SZT2: variants seen among roughly 807,000 people sequenced by gnomAD.
SZT2 encodes the protein KICSTOR complex protein SZT2.
A neutral mutation model predicts 404.2 loss-of-function variants in SZT2; 216 were observed. That is an observed-to-expected ratio of 0.53 (90% CI 0.48 to 0.60). The LOEUF (loss-of-function observed/expected upper bound fraction) is 0.60, where lower values mean the gene tolerates loss of function less well. Among genes scored for constraint, SZT2 ranks in the 20% least tolerant of loss-of-function variants. The pLI, the probability that SZT2 is intolerant of heterozygous loss-of-function variation, is 0.00. For missense variants in SZT2, 3,857 were observed against 4,459.2 expected (o/e 0.86, Z 3.85); for synonymous variants, 1,693 against 1,749.9 (o/e 0.97, Z 0.81).
At chr1:43,435,075 A>G in intron 41 of SZT2, 125 bp from the exon 42 acceptor site, 1 of 1,146,198 alleles carries the variant, frequency 8.7e-7, no homozygotes, top group Non-Finnish European at 1.2e-6. Context: ...GATGACTGAT[A>G]TTCTTGTTGA....
chr1:43,446,837 C>A, intron 65 of SZT2, 118 bp from the exon 66 acceptor site: 2 of 1,085,960 alleles, frequency 1.8e-6, no homozygotes, highest in Non-Finnish European at 2.7e-6. Flanking sequence ...AGAGGGCGTT[C>A]CACTAGGCCA....
In SZT2 at chr1:43,441,327, T is replaced by G. The variant is rs764279408; in HGVS notation, c.7458T>G (p.Thr2486=). The change falls in exon 53 of 72, where the codon ACT becomes ACG. Residue 2486 remains threonine (T), a synonymous_variant. Transcript: ENST00000634258. This position sits in a 1 kb window ranked among gnomAD's most constrained non-coding sequence, Gnocchi z 4.8. ...RRRHKTESVR[T]PGGAERAPGS... The stretch of plus-strand genomic sequence containing the variant: ...GTCACAAAACCGAGAGTGTTCGGAC[T>G]CCTGGTGGAGCTGAGCGGGCGCCAG... The G allele has an allele frequency of 3.7e-6, 6 of 1,614,184 alleles. No homozygotes were observed. Among genetic ancestry groups the G allele is most frequent in the Non-Finnish European group, 5.1e-6 (6 of 1,180,030 alleles).
chr1:43,406,401 AG>A (rs1311033948), intron 4 of SZT2: 1 of 167,088 alleles, frequency 6.0e-6, no homozygotes, highest in Non-Finnish European at 1.3e-5. Flanking sequence ...CCTGGCCCAA[AG>A]CAGCATTTGA....
Position 43,453,534 on chromosome 1 carries a change from ACT to A in SZT2, c.*3056_*3057del. On this transcript the variant is annotated 3_prime_UTR_variant, in exon 72 of 72. Transcript: ENST00000634258. ...ACGGGCCTCAGCCCCCGGCTCGGACACTCCCCTGCCCGCGCCCCGGCACCCCC... is the reference window on the plus strand; with the variant it reads ...ACGGGCCTCAGCCCCCGGCTCGGACACCCCTGCCCGCGCCCCGGCACCCCC... 1 of 1,524,506 alleles carries A rather than the reference ACT, an allele frequency of 6.6e-7. No homozygotes were observed. Among genetic ancestry groups the A allele is most frequent in the Non-Finnish European group, 8.8e-7 (1 of 1,132,186 alleles). 94.4% of individuals were successfully genotyped at this position (1,524,506 alleles called of 1,614,324 possible).
At chr1:43,447,203 A>G (rs1347038156) in intron 66 of SZT2, 35 bp downstream of exon 66, 2 of 1,583,124 alleles carry the variant, frequency 1.3e-6, no homozygotes, top group Non-Finnish European at 8.6e-7. Flanking sequence ...GAACCCAAAA[A>G]AGAACAGGCC....
chr1:43,423,144 C>A lies in SZT2; in HGVS notation c.2083C>A (p.His695Asn), dbSNP rs1652623950. 1 of 1,596,894 alleles carries A rather than the reference C, an allele frequency of 6.3e-7. No individual in the cohort carries two copies. Among genetic ancestry groups the A allele is most frequent in the Non-Finnish European group, 8.5e-7 (1 of 1,179,196 alleles). ...REEILRLRFP[H>N]RVQSKEPTPK... ...AGAGATCCTGCGGCTGCGTTTCCCCCACCGGGTACAAAGCAAGGAGCCAAC... is the reference window on the plus strand; with the variant it reads ...AGAGATCCTGCGGCTGCGTTTCCCCAACCGGGTACAAAGCAAGGAGCCAAC... Residue 695 changes from histidine (H) to asparagine (N), a missense_variant, in exon 15 of 72, where the codon CAC becomes AAC. By Grantham distance (68) the His-to-Asn change is moderately conservative. Transcript: ENST00000634258.
At chr1:43,432,893 G>T (rs1654063416) in intron 39 of SZT2, 94 bp downstream of exon 39, 2 of 1,591,162 alleles carry the variant, frequency 1.3e-6, no homozygotes, top group Non-Finnish European at 1.7e-6. Flanking sequence ...CATCAGAAGG[G>T]ACTAATCTGA....
intron 1 of SZT2, among the ~76,000 whole-genome samples, chr1:43,392,287 C>G (rs775745555): frequency 5.0e-4 from 76 of 152,138 alleles, no homozygotes; most frequent in South Asian, 1.0e-3. Context: ...CACATCCCAT[C>G]TTGGTCTAGC....
Position 43,448,847 on chromosome 1 carries a change from G to A in SZT2, c.10086+119G>A. 1.1e-6 allele frequency: 1 copy of A among 897,582 alleles called. No homozygotes were observed. Among genetic ancestry groups the A allele is most frequent in the Non-Finnish European group, 1.8e-6 (1 of 546,520 alleles). The allele number at this position is 897,582 out of a possible 1,614,324, so 55.6% of individuals were successfully genotyped here. A position where few individuals can be genotyped will look rare whatever the true frequency, so the allele number is the denominator to read the frequency against. On this transcript the variant is annotated intron_variant, in intron 70 of 71. Transcript: ENST00000634258. The surrounding 1 kb of genome is among the most constrained non-coding windows in gnomAD (Gnocchi z 4.2). ...CTGGAGGGAGGCCTAGACAGAACGG[G>A]ACTACACAGATACATGTAAAACCCT...
At chr1:43,432,677 G>A (rs774267864) in intron 38 of SZT2, 51 bp from the exon 39 acceptor site, 2 of 1,613,120 alleles carry the variant, frequency 1.2e-6, no homozygotes, top group Non-Finnish European at 1.7e-6. Flanking sequence ...TTTGGAGGGA[G>A]GCCCTAGACA....
chr1:43,408,310 C>T (rs1166900415), intron 4 of SZT2, among the ~76,000 whole-genome samples: 3 of 152,168 alleles, frequency 2.0e-5, no homozygotes, highest in African/African-American at 7.2e-5. Flanking sequence ...GTTGCCCAGG[C>T]TGGAGTGCAG....
Position 43,437,040 on chromosome 1 carries a change from C to G in SZT2, c.6035-131C>G. ...GCCCTGTCGTGTTACCCAGAATGAT[C>G]ATCATTTCTCTGCAATAGTCAGGGA... On this transcript the variant is annotated intron_variant, in intron 42 of 71. Coordinates refer to ENST00000634258, the MANE Select transcript of SZT2 (RefSeq NM_001365999.1). The surrounding 1 kb of genome is among the most constrained non-coding windows in gnomAD (Gnocchi z 5.3). 5 of 1,233,154 alleles carry G rather than the reference C, an allele frequency of 4.1e-6. No homozygotes were observed. The highest frequency in any genetic ancestry group is 2.0e-5 in the Admixed American group (1 of 49,478). 76.4% of individuals were successfully genotyped at this position (1,233,154 alleles called of 1,614,324 possible). A position where few individuals can be genotyped will look rare whatever the true frequency, so the allele number is the denominator to read the frequency against.
Position 43,453,312 on chromosome 1 carries a change from C to T in SZT2, c.*2832C>T. On this transcript the variant is annotated 3_prime_UTR_variant, in exon 72 of 72. Coordinates refer to ENST00000634258, the MANE Select transcript of SZT2 (RefSeq NM_001365999.1). ...GCTCAGACTTCTGAGCGTCTCAGAT[C>T]TGGCGTCCTCGACTCCCTGAACCTG... 1.1e-6 allele frequency: 1 copy of T among 950,894 alleles called. No individual in the cohort carries two copies. Among genetic ancestry groups the T allele is most frequent in the Non-Finnish European group, 1.6e-6 (1 of 635,770 alleles). 58.9% of individuals were successfully genotyped at this position (950,894 alleles called of 1,614,324 possible).
intron 41 of SZT2, 86 bp from the exon 42 acceptor site, chr1:43,435,114 C>G (rs888812710): frequency 6.7e-7 from 1 of 1,483,374 alleles, no homozygotes; most frequent in African/African-American, 1.4e-5. Flanking sequence ...AGTGGTCATT[C>G]TCTCTGGCAT....
rs529198330 is a variant in SZT2 at position 43,404,415 on chromosome 1, T to C, written c.363T>C (p.Val121=). 6.2e-7 allele frequency: 1 copy of C among 1,613,880 alleles called. No homozygotes were observed. The highest frequency in any genetic ancestry group is 1.1e-5 in the South Asian group (1 of 91,000). ...DSTGEILFDE[V]FHALSRCLGG... ...CAGGGGAGATCTTGTTTGATGAAGTTTTCCATGCCCTGTCCCGCTGCTTAG... is the reference window on the plus strand; with the variant it reads ...CAGGGGAGATCTTGTTTGATGAAGTCTTCCATGCCCTGTCCCGCTGCTTAG... Residue 121 remains valine, a synonymous_variant, in exon 4 of 72, where the codon GTT becomes GTC. Transcript: ENST00000634258.
At chr1:43,429,585 C>A (rs952101650) in intron 28 of SZT2, 118 bp from the exon 29 acceptor site, 5 of 1,291,962 alleles carry the variant, frequency 3.9e-6, no homozygotes, top group Admixed American at 3.8e-5. Context: ...CATGCCATTA[C>A]GCTAAGTACT....
intron 62 of SZT2, chr1:43,445,497 C>G (rs1003721054): frequency 1.8e-5 from 5 of 273,060 alleles, no homozygotes; most frequent in Admixed American, 1.4e-4. Flanking sequence ...GCCATCCCCC[C>G]CAATCAAAAG....
chr1:43,426,213 G>T lies in SZT2; in HGVS notation c.3043+62G>T. On this transcript the variant is annotated intron_variant, in intron 21 of 71. Coordinates refer to ENST00000634258, the MANE Select transcript of SZT2 (RefSeq NM_001365999.1). This position sits in a 1 kb window ranked among gnomAD's most constrained non-coding sequence, Gnocchi z 4.9. Reference sequence around the variant, plus strand: ...AGGGCCAGCAAGCCTGGAAGTATTAGAAAATAACAAACAGATGGGTCAGCA... The same window carrying T: ...AGGGCCAGCAAGCCTGGAAGTATTATAAAATAACAAACAGATGGGTCAGCA... 6.4e-7 allele frequency: 1 copy of T among 1,571,308 alleles called. No homozygotes were observed. The highest frequency in any genetic ancestry group is 8.7e-7 in the Non-Finnish European group (1 of 1,152,334).
In SZT2 at chr1:43,440,549, C is replaced by T. The variant is rs766507891; in HGVS notation, c.7307C>T (p.Pro2436Leu). ...GTCCCTGGGGAGCCTGTGACTCCAC[C>T]CAGCAAAGCGGGCCGGCGTAGCTTC... ...APVPGEPVTP[P>L]SKAGRRSFWD... Residue 2436 changes from proline (P) to leucine (L), a missense_variant, in exon 52 of 72, where the codon CCC becomes CTC. By Grantham distance (98) the Pro-to-Leu change is moderately conservative. This residue lies in a region of SZT2 where 573 missense variants were observed against 592.4 expected (regional missense o/e 0.97). Coordinates refer to ENST00000634258, the MANE Select transcript of SZT2 (RefSeq NM_001365999.1). 4 of 1,607,534 alleles carry T rather than the reference C, an allele frequency of 2.5e-6. No individual in the cohort carries two copies. The African/African-American group carries it at 5.4e-5, about 22-fold the overall frequency.
Sources: gnomAD v4.1 joint callset for allele counts (sites outside exome capture counted in the v4.1 genomes callset) on GRCh38, gnomAD v4.1.1 for gene constraint, gnomAD v4.1.1 regional missense constraint, Gnocchi (gnomAD v3.1) non-coding constraint, MANE v1.5 for transcripts, NCBI Gene and HGNC (gene_info 2026-07-23, HGNC 2026-07-21) for gene names.